The following RAB33A variants were observed in gnomAD, a reference collection of about 807,000 sequenced individuals.
RAB33A encodes RAB33A, member RAS oncogene family, also known as ras-related protein Rab-33A.
RAB33A carries 6 observed loss-of-function variants against 12.0 expected under a neutral mutation model. That is an observed-to-expected ratio of 0.50 (90% CI 0.27 to 0.99). The LOEUF (loss-of-function observed/expected upper bound fraction) is 0.99, where lower values mean the gene tolerates loss of function less well. RAB33A is among the 50% of genes least tolerant of loss of function. The pLI, the probability that RAB33A is intolerant of heterozygous loss-of-function variation, is 0.11. For missense variants in RAB33A, 109 were observed against 192.0 expected, an observed-to-expected ratio of 0.57 and a Z score of 2.55; for synonymous variants, 70 against 82.4, an observed-to-expected ratio of 0.85 and a Z score of 0.81.
chrX:130,172,043 C>A lies in RAB33A; in HGVS notation c.-20C>A. The A allele has an allele frequency of 8.4e-7, 1 of 1,193,113 alleles. No homozygotes were observed. The highest frequency in any genetic ancestry group is 1.1e-6 in the Non-Finnish European group (1 of 887,476). ...TGGAGCCCTCAAGGGGGGTTGGGGC[C>A]CCGGTTCGGTCCGGGGGAGATGGCG... is the stretch of plus-strand genomic sequence containing the variant. On this transcript the variant is annotated 5_prime_UTR_variant, in exon 1 of 2. Transcript: ENST00000257017.
At chrX:130,182,447 G>T (rs1326973540) in intron 1 of RAB33A, among the ~76,000 whole-genome samples, 1 of 109,211 alleles carries the variant, frequency 9.2e-6, no homozygotes, top group Non-Finnish European at 1.9e-5. Flanking sequence ...AAAAAAACTG[G>T]GACCATAGCA....
the RAB33A span, among the ~76,000 whole-genome samples, chrX:130,111,058 C>T: frequency 9.9e-6 from 1 of 101,420 alleles, no homozygotes; most frequent in Admixed American, 1.0e-4. Flanking sequence ...AAACAGCGCC[C>T]GTCCGCCCCG....
chrX:130,160,966 A>G, the RAB33A span, among the ~76,000 whole-genome samples: 1 of 111,623 alleles, frequency 9.0e-6, no homozygotes, highest in Admixed American at 9.5e-5. Context: ...CTTTAGCCAG[A>G]TTCCATTTAT....
At chrX:130,137,379 A>AG in the RAB33A span, 1 of 1,155,261 alleles carries the variant, frequency 8.7e-7, no homozygotes, top group East Asian at 3.3e-5. Context: ...CAAATACAAC[A>AG]GGTATCAGAA....
At chrX:130,140,578 T>G in the RAB33A span, 1 of 1,211,008 alleles carries the variant, frequency 8.3e-7, no homozygotes, top group African/African-American at 1.7e-5. Context: ...GAGCCATCAT[T>G]AAGTTTCACC....
the RAB33A span, chrX:130,147,456 T>A: frequency 8.3e-7 from 1 of 1,210,197 alleles, no homozygotes; most frequent in Non-Finnish European, 1.1e-6. Context: ...TGTGCTTAGC[T>A]GAAGTTGATA....
chrX:130,165,818 C>A, the RAB33A span: 1 of 520,082 alleles, frequency 1.9e-6, no homozygotes, highest in Non-Finnish European at 3.4e-6. Flanking sequence ...AGAAGCCGGC[C>A]TGCTAGAGCC....
chrX:130,167,245 C>CA (rs1360761018), upstream of RAB33A, among the ~76,000 whole-genome samples: 1 of 112,758 alleles, frequency 8.9e-6, no homozygotes, highest in African/African-American at 3.2e-5. Flanking sequence ...CTGGCTCTGC[C>CA]ACCTGGGCAA....
chrX:130,137,502 A>T, the RAB33A span: 28 of 1,165,919 alleles, frequency 2.4e-5, no homozygotes, highest in Non-Finnish European at 3.2e-5. Context: ...CATCCTCCTG[A>T]AAAGATGCCC....
At chrX:130,153,219 A>C in the RAB33A span, among the ~76,000 whole-genome samples, 329 of 104,421 alleles carry the variant, frequency 3.2e-3, 3 homozygotes, top group African/African-American at 0.011. Flanking sequence ...GCATGGTGGC[A>C]GGCGCCTGTA....
the RAB33A span, among the ~76,000 whole-genome samples, chrX:130,149,721 A>G: frequency 8.9e-6 from 1 of 112,369 alleles, no homozygotes; most frequent in Non-Finnish European, 1.9e-5. Flanking sequence ...TTCTTAAGAA[A>G]TAAAAAATAC....
At chrX:130,155,032 T>C in the RAB33A span, 6 of 923,381 alleles carry the variant, frequency 6.5e-6, no homozygotes, top group African/African-American at 1.2e-4. Context: ...AATGTCCCTT[T>C]AATAAACACC....
chrX:130,125,022 G>A, the RAB33A span, among the ~76,000 whole-genome samples: 4 of 111,948 alleles, frequency 3.6e-5, no homozygotes, highest in African/African-American at 6.5e-5. Flanking sequence ...TTTTGTCTGT[G>A]TTCACATGAT....
chrX:130,116,440 C>T, the RAB33A span, among the ~76,000 whole-genome samples: 1 of 111,651 alleles, frequency 9.0e-6, no homozygotes, highest in African/African-American at 3.3e-5. Flanking sequence ...ACTACAGGTG[C>T]GCATCACCAT....
At chrX:130,135,958 G>A in the RAB33A span, 1 of 1,146,367 alleles carries the variant, frequency 8.7e-7, no homozygotes, top group Non-Finnish European at 1.2e-6. Flanking sequence ...TGGTTAGGCT[G>A]TTGATGAGCT....
chrX:130,125,390 T>C, the RAB33A span, among the ~76,000 whole-genome samples: 2 of 110,912 alleles, frequency 1.8e-5, no homozygotes, highest in African/African-American at 3.3e-5. Flanking sequence ...AGTGTATCTG[T>C]GTGTGGTTTT....
At chrX:130,138,344 A>G in the RAB33A span, among the ~76,000 whole-genome samples, 2 of 111,183 alleles carry the variant, frequency 1.8e-5, no homozygotes, top group South Asian at 3.8e-4. Context: ...AGGCGCCTGT[A>G]GTCCCAGCTA....
the RAB33A span, among the ~76,000 whole-genome samples, chrX:130,131,449 C>G: frequency 8.9e-6 from 1 of 112,588 alleles, no homozygotes; most frequent in East Asian, 2.8e-4. Flanking sequence ...CTGTCTAGGA[C>G]AGATACCCAC....
At chrX:130,145,656 T>A in the RAB33A span, 2 of 762,517 alleles carry the variant, frequency 2.6e-6, no homozygotes, top group Admixed American at 5.0e-5. Context: ...GTTTCCATTA[T>A]CAGAAACTTT....
Sources: allele counts gnomAD v4.1 joint callset (sites outside exome capture counted in the v4.1 genomes callset), GRCh38; gene constraint gnomAD v4.1.1; transcripts MANE v1.5; gene names NCBI Gene and HGNC (gene_info 2026-07-23, HGNC 2026-07-21).